KLF12: variants seen among roughly 807,000 people sequenced by gnomAD.
KLF12 encodes Krueppel-like factor 12.
In KLF12, 9 loss-of-function variants were observed where a neutral mutation model predicts 37.8. The observed-to-expected ratio is 0.24, with a 90% CI of 0.14 to 0.42. KLF12 has a LOEUF of 0.42. Ranked by LOEUF, KLF12 falls within the 10% of genes least tolerant of loss-of-function variation. The pLI, the probability that KLF12 is intolerant of heterozygous loss-of-function variation, is 1.00. For missense variants in KLF12, 411 were observed against 516.0 expected (o/e 0.80, Z 1.97); for synonymous variants, 208 against 202.1 (o/e 1.03, Z -0.25).
the KLF12 span, among the ~76,000 whole-genome samples, chr13:74,275,733 C>T: frequency 3.3e-5 from 5 of 150,806 alleles, no homozygotes; most frequent in East Asian, 3.9e-4. Flanking sequence ...GGTCTCACTC[C>T]GTTGCCTGCA....
chr13:73,802,957 CAATT>C (rs1158206612), intron 5 of KLF12, among the ~76,000 whole-genome samples: 6 of 151,948 alleles, frequency 3.9e-5, no homozygotes, highest in South Asian at 2.1e-4. Flanking sequence ...TTTTGGTAAA[CAATT>C]AAACAGAACA....
At chr13:73,772,845 G>A (rs1040258150) in intron 5 of KLF12, among the ~76,000 whole-genome samples, 5 of 152,076 alleles carry the variant, frequency 3.3e-5, no homozygotes, top group African/African-American at 4.8e-5. Flanking sequence ...GTCACAAAGC[G>A]GGATTCAGAT....
At chr13:74,068,349 G>GA (rs1200855210) in intron 1 of KLF12, among the ~76,000 whole-genome samples, 1 of 151,950 alleles carries the variant, frequency 6.6e-6, no homozygotes, top group Admixed American at 6.6e-5. Flanking sequence ...TACTACAATG[G>GA]AAAAAATAAG....
the KLF12 span, among the ~76,000 whole-genome samples, chr13:74,204,079 C>T: frequency 6.6e-6 from 1 of 152,128 alleles, no homozygotes; most frequent in East Asian, 1.9e-4. Context: ...TCTTCCATCA[C>T]CACCACCATC....
intron 7 of KLF12, among the ~76,000 whole-genome samples, chr13:73,702,981 G>C (rs1408923917): frequency 6.6e-6 from 1 of 152,106 alleles, no homozygotes; most frequent in Non-Finnish European, 1.5e-5. Flanking sequence ...CCTCTTCATA[G>C]TTTACGGCAG....
chr13:73,796,115 C>T lies in KLF12; in HGVS notation c.806+17037G>A, dbSNP rs137950285. Among the ~76,000 whole-genome samples, 5 of 152,248 alleles carry T rather than the reference C, an allele frequency of 3.3e-5. No individual in the cohort carries two copies. The East Asian group carries it at 5.8e-4, about 18-fold the overall frequency. ...GTTGTAATTAGGGAGTCTTCTCAAA[C>T]GCAATTATTGGAGGAACTGTCTAAA... On this transcript the variant is annotated intron_variant, in intron 5 of 7. Transcript: ENST00000377669.
intron 6 of KLF12, among the ~76,000 whole-genome samples, chr13:73,759,631 A>G (rs1193950163): frequency 6.6e-6 from 1 of 152,144 alleles, no homozygotes; most frequent in East Asian, 1.9e-4. Context: ...CACGTCATGG[A>G]AAGACTACTG....
intron 2 of KLF12, among the ~76,000 whole-genome samples, chr13:73,944,786 T>A (rs1890343907): frequency 6.6e-6 from 1 of 152,152 alleles, no homozygotes; most frequent in South Asian, 2.1e-4. Flanking sequence ...TTATAAAAGA[T>A]TAAATCAAGG....
intron 1 of KLF12, among the ~76,000 whole-genome samples, chr13:73,999,625 AGCT>A (rs1892217386): frequency 6.6e-6 from 1 of 151,708 alleles, no homozygotes; most frequent in Non-Finnish European, 1.5e-5. Context: ...CTGTAGTCCC[AGCT>A]ACTCTGGAGG....
At chr13:74,226,743 C>T in the KLF12 span, among the ~76,000 whole-genome samples, 21 of 152,222 alleles carry the variant, frequency 1.4e-4, no homozygotes, top group African/African-American at 5.1e-4. Context: ...GAAGATTGCT[C>T]TATGATAATT....
At chr13:74,209,797 A>T in the KLF12 span, among the ~76,000 whole-genome samples, 1 of 152,208 alleles carries the variant, frequency 6.6e-6, no homozygotes, top group Non-Finnish European at 1.5e-5. Context: ...CCCAATAATT[A>T]TTAACTATAT....
chr13:73,882,477 G>C (rs1356575300), intron 3 of KLF12, among the ~76,000 whole-genome samples: 2 of 152,120 alleles, frequency 1.3e-5, no homozygotes, highest in East Asian at 3.8e-4. Flanking sequence ...GAATTTAAAA[G>C]CAAGTCAATG....
chr13:73,924,403 A>G (rs2139238242), intron 3 of KLF12, among the ~76,000 whole-genome samples: 1 of 152,260 alleles, frequency 6.6e-6, no homozygotes, highest in Middle Eastern at 3.4e-3. Flanking sequence ...AATATTTCAA[A>G]TGTTTTCATT....
chr13:74,084,905 A>G (rs1233577299), intron 1 of KLF12, among the ~76,000 whole-genome samples: 1 of 152,180 alleles, frequency 6.6e-6, no homozygotes, highest in Non-Finnish European at 1.5e-5. Context: ...AAAGCATATC[A>G]AGTCTTTTCA....
At chr13:73,915,613 T>A (rs1166618103) in intron 3 of KLF12, among the ~76,000 whole-genome samples, 9 of 151,286 alleles carry the variant, frequency 5.9e-5, no homozygotes, top group Non-Finnish European at 1.0e-4. Flanking sequence ...CCCAGGTTCA[T>A]GCCATTCTCC....
At chr13:73,926,217 A>C (rs9543491) in intron 3 of KLF12, among the ~76,000 whole-genome samples, 110,566 of 152,012 alleles carry the variant, frequency 0.73, 42,214 homozygotes, top group South Asian at 0.85. Flanking sequence ...AGAAGAGTCA[A>C]CTGATGCAGT....
chr13:74,246,838 C>T, the KLF12 span, among the ~76,000 whole-genome samples: 1,689 of 152,180 alleles, frequency 0.011, 10 homozygotes, highest in Admixed American at 0.023. Context: ...ACATCTGACT[C>T]GATGCTAATG....
chr13:74,060,494 G>GTGTGTGTGTGTGTGTGTGTGTC (rs1555336648), intron 1 of KLF12, among the ~76,000 whole-genome samples: 1 of 126,084 alleles, frequency 7.9e-6, no homozygotes, highest in Non-Finnish European at 1.8e-5. Flanking sequence ...TTGTGTGTGT[G>GTGTGTGTGTGTGTGTGTGTGTC]TGTGTGTGTG....
In KLF12 at chr13:73,865,166, G is replaced by A. The variant is rs573737488; in HGVS notation, c.124-18793C>T. On this transcript the variant is annotated intron_variant, in intron 3 of 7. Coordinates refer to ENST00000377669, the MANE Select transcript of KLF12 (RefSeq NM_007249.5). The stretch of plus-strand genomic sequence containing the variant: ...CTGTTAGGATAAAAAGAAATAACAT[G>A]AGTAGCTCTATAATCACATTATCTC... Among the ~76,000 whole-genome samples, 4 of 152,172 alleles carry A rather than the reference G, an allele frequency of 2.6e-5. No individual in the cohort carries two copies. In the East Asian group the frequency reaches 7.7e-4, roughly 29 times the overall value.
Sources: allele counts gnomAD v4.1 joint callset (sites outside exome capture counted in the v4.1 genomes callset), GRCh38; gene constraint gnomAD v4.1.1; transcripts MANE v1.5; gene names NCBI Gene and HGNC (gene_info 2026-07-23, HGNC 2026-07-21).